The following FAF1 variants were observed in gnomAD, a reference collection of about 807,000 sequenced individuals.
FAF1 encodes the protein FAS-associated factor 1.
In FAF1, 25 loss-of-function variants were observed where a neutral mutation model predicts 92.5. The ratio of observed to expected loss-of-function variants is 0.27; its 90% CI spans 0.20 to 0.38. The LOEUF (loss-of-function observed/expected upper bound fraction) is 0.38. FAF1 is among the 10% of genes least tolerant of loss of function. The pLI is 1.00. For missense variants in FAF1, 636 were observed against 793.3 expected (o/e 0.80, Z 2.38); for synonymous variants, 234 against 273.2 (o/e 0.86, Z 1.42).
intron 8 of FAF1, among the ~76,000 whole-genome samples, chr1:50,646,250 TATATACACACACACAC>T (rs1215604284): frequency 6.6e-6 from 1 of 152,146 alleles, no homozygotes; most frequent in Non-Finnish European, 1.5e-5. Context: ...CACCCATACA[TATATACACACACACAC>T]ATTGGTAAAA....
intron 18 of FAF1, among the ~76,000 whole-genome samples, chr1:50,458,553 C>T (rs943838103): frequency 3.3e-5 from 5 of 152,182 alleles, no homozygotes; most frequent in Non-Finnish European, 7.3e-5. Context: ...TTTTAAGGCT[C>T]TGAATTCTAC....
intron 8 of FAF1, among the ~76,000 whole-genome samples, chr1:50,601,117 G>C (rs933112806): frequency 5.6e-4 from 66 of 117,512 alleles, no homozygotes; most frequent in Non-Finnish European, 6.2e-4. Context: ...AGACAAAAAA[G>C]CTCTTTCAAA....
At position 50,807,791 on chromosome 1, in the gene FAF1, T is replaced by C. The variant is rs1662264851; in HGVS notation, c.115-6114A>G. ...TATCTAAAGAGACCAAATCTACATC[T>C]CATTGGCATCCCTAAAAGAGAAAGC... On this transcript the variant is annotated intron_variant, in intron 2 of 18. Coordinates refer to ENST00000396153, the MANE Select transcript of FAF1 (RefSeq NM_007051.3). Among the ~76,000 whole-genome samples the C allele has an allele frequency of 2.6e-5, 4 of 152,164 alleles. No individual in the cohort carries two copies. The South Asian group carries it at 8.3e-4, about 32-fold the overall frequency.
At chr1:50,921,459 G>A (rs568121662) in intron 1 of FAF1, among the ~76,000 whole-genome samples, 7 of 152,280 alleles carry the variant, frequency 4.6e-5, no homozygotes, top group South Asian at 2.1e-4. Context: ...AAAATCTATC[G>A]TCATGAAAAC....
At chr1:50,598,774 C>T (rs1558010122) in intron 8 of FAF1, among the ~76,000 whole-genome samples, 2 of 152,090 alleles carry the variant, frequency 1.3e-5, no homozygotes, top group African/African-American at 2.4e-5. Context: ...AATTCGAGAC[C>T]AGCCTGACCA....
intron 7 of FAF1, among the ~76,000 whole-genome samples, chr1:50,661,384 ATC>A (rs1210534791): frequency 2.6e-5 from 4 of 152,210 alleles, no homozygotes; most frequent in Non-Finnish European, 5.9e-5. Flanking sequence ...TTCTTCACAT[ATC>A]AAACATTTTG....
chr1:50,548,728 CACTG>C (rs1282836660), intron 13 of FAF1, among the ~76,000 whole-genome samples: 1 of 152,190 alleles, frequency 6.6e-6, no homozygotes, highest in Admixed American at 6.5e-5. Flanking sequence ...TGTCACCACC[CACTG>C]ACTGAAAATG....
intron 18 of FAF1, among the ~76,000 whole-genome samples, chr1:50,455,681 A>G (rs1646342488): frequency 6.6e-6 from 1 of 152,234 alleles, no homozygotes; most frequent in Non-Finnish European, 1.5e-5. Flanking sequence ...TAGATAAAGA[A>G]AAAAAGACCC....
At position 50,437,634 on chromosome 1, in the gene FAF1, C is replaced by T. The variant is rs1646138807; in HGVS notation, c.*3806G>A. 1 of 152,080 alleles carries T rather than the reference C, an allele frequency of 6.6e-6. No homozygotes were observed. The highest frequency in any genetic ancestry group is 1.5e-5 in the Non-Finnish European group (1 of 68,022). The allele number at this position is 152,080 out of a possible 1,614,324, so 9.4% of individuals were successfully genotyped here. A position where few individuals can be genotyped will look rare whatever the true frequency, so the allele number is the denominator to read the frequency against. On this transcript the variant is annotated 3_prime_UTR_variant, in exon 19 of 19. Coordinates refer to ENST00000396153, the MANE Select transcript of FAF1 (RefSeq NM_007051.3). ...TCAGGGCTGGTCTTGAACTTCTGGCCTCAAGCAATCCTCCTGCCTTTGCCT... is the reference window on the plus strand; with the variant it reads ...TCAGGGCTGGTCTTGAACTTCTGGCTTCAAGCAATCCTCCTGCCTTTGCCT...
intron 4 of FAF1, among the ~76,000 whole-genome samples, chr1:50,786,551 T>C (rs993745864): frequency 6.6e-6 from 1 of 152,322 alleles, no homozygotes; most frequent in African/African-American, 2.4e-5. Flanking sequence ...TAGAAATATA[T>C]TGACAGGCTA....
At chr1:50,585,240 T>C (rs1651169519) in intron 9 of FAF1, among the ~76,000 whole-genome samples, 2 of 152,330 alleles carry the variant, frequency 1.3e-5, no homozygotes, top group South Asian at 4.1e-4. Context: ...ACTTCCTTAC[T>C]GCAGTGGTTC....
intron 8 of FAF1, among the ~76,000 whole-genome samples, chr1:50,624,690 AG>A (rs1165656293): frequency 6.6e-6 from 1 of 152,194 alleles, no homozygotes; most frequent in Non-Finnish European, 1.5e-5. Flanking sequence ...TTTTCTAACT[AG>A]GCTTATCCTA....
intron 1 of FAF1, among the ~76,000 whole-genome samples, chr1:50,876,610 G>C (rs1005420451): frequency 2.0e-5 from 3 of 152,124 alleles, no homozygotes; most frequent in Non-Finnish European, 4.4e-5. Flanking sequence ...TTTTGAGATG[G>C]AGTCTCACTC....
intron 4 of FAF1, among the ~76,000 whole-genome samples, chr1:50,768,286 A>T (rs1183078424): frequency 6.6e-6 from 1 of 151,548 alleles, no homozygotes; most frequent in Non-Finnish European, 1.5e-5. Context: ...AAGCACCCGG[A>T]TTCATATAGC....
intron 7 of FAF1, among the ~76,000 whole-genome samples, chr1:50,657,585 A>G (rs1235858893): frequency 1.3e-5 from 2 of 152,180 alleles, no homozygotes; most frequent in Non-Finnish European, 2.9e-5. Flanking sequence ...CAAAAACTTC[A>G]ATAGGGTTCT....
At chr1:50,883,332 G>A (rs1644629588) in intron 1 of FAF1, among the ~76,000 whole-genome samples, 1 of 152,124 alleles carries the variant, frequency 6.6e-6, no homozygotes, top group African/African-American at 2.4e-5. Context: ...AAATGCTAAA[G>A]TATCACCCCC....
In FAF1 at chr1:50,446,952, C is replaced by T. The variant is rs183642175; in HGVS notation, c.1870-5429G>A. Among the ~76,000 whole-genome samples, 21 of 151,928 alleles carry T rather than the reference C, an allele frequency of 1.4e-4. No homozygotes were observed. In the South Asian group the frequency reaches 4.4e-3, roughly 32 times the overall value. On this transcript the variant is annotated intron_variant, in intron 18 of 18. Transcript: ENST00000396153. Reference sequence around the variant, plus strand: ...ACATAGGTAAGTGGTAGAGGCAGAACCAGAACCCAGGCCTTCTGCTGGTTC... The same window carrying T: ...ACATAGGTAAGTGGTAGAGGCAGAATCAGAACCCAGGCCTTCTGCTGGTTC...
chr1:50,759,146 AT>A (rs534588749), intron 4 of FAF1, among the ~76,000 whole-genome samples: 39 of 151,936 alleles, frequency 2.6e-4, no homozygotes, highest in African/African-American at 8.9e-4. Context: ...TTTTATTTTA[AT>A]TTTTTTAAAA....
chr1:50,490,458 A>C (rs1646822289), intron 17 of FAF1, 130 bp downstream of exon 17: 1 of 292,074 alleles, frequency 3.4e-6, no homozygotes, highest in Non-Finnish European at 7.1e-6. Context: ...GAAGGAAGGA[A>C]GGAAAAAGAA....
Sources: allele counts gnomAD v4.1 joint callset (sites outside exome capture counted in the v4.1 genomes callset), GRCh38; gene constraint gnomAD v4.1.1; transcripts MANE v1.5; gene names NCBI Gene and HGNC (gene_info 2026-07-23, HGNC 2026-07-21).